GEMIN5: variants seen among roughly 807,000 people sequenced by gnomAD.
GEMIN5 encodes gem-associated protein 5.
GEMIN5 carries 124 observed loss-of-function variants against 176.9 expected under a neutral mutation model. The ratio of observed to expected loss-of-function variants is 0.70; its 90% CI spans 0.61 to 0.81. The LOEUF (loss-of-function observed/expected upper bound fraction) is 0.81, where lower values mean the gene tolerates loss of function less well. Among genes scored for constraint, GEMIN5 ranks in the 40% least tolerant of loss-of-function variants. The probability of loss-of-function intolerance (pLI) is 0.00; values close to 1 mark genes in which losing one functional copy is unlikely to be tolerated. For missense variants in GEMIN5, 1,843 were observed against 1,814.6 expected, an observed-to-expected ratio of 1.02 and a Z score of -0.28; for synonymous variants, 673 against 665.2, an observed-to-expected ratio of 1.01 and a Z score of -0.18.
intron 9 of GEMIN5, among the ~76,000 whole-genome samples, chr5:154,922,925 T>C (rs1316878049): frequency 6.6e-6 from 1 of 152,056 alleles, no homozygotes; most frequent in Non-Finnish European, 1.5e-5. Context: ...CTCAATCTCC[T>C]GACCTCAGGA....
rs774995435 is a variant in GEMIN5, at chr5:154,925,825, A to C, written c.1293+37T>G. The C allele has an allele frequency of 3.3e-6, 4 of 1,217,678 alleles. 1 individual carries two copies. In the South Asian group the frequency reaches 5.1e-5, roughly 16 times the overall value. The allele number at this position is 1,217,678 out of a possible 1,614,324, so 75.4% of individuals were successfully genotyped here. A position where few individuals can be genotyped will look rare whatever the true frequency, so the allele number is the denominator to read the frequency against. ...CATAAAAGAGAATTATTTGGAAAAA[A>C]AAAAGTTCAAAACAAGCTCAAAAAA... On this transcript the variant is annotated intron_variant, in intron 8 of 27. Coordinates refer to ENST00000285873, the MANE Select transcript of GEMIN5 (RefSeq NM_015465.5).
intron 11 of GEMIN5, among the ~76,000 whole-genome samples, chr5:154,918,839 C>T (rs1245554552): frequency 6.6e-6 from 1 of 151,664 alleles, no homozygotes; most frequent in Non-Finnish European, 1.5e-5. Flanking sequence ...GCCAGGAGTC[C>T]GAGATCACAG....
chr5:154,897,829 C>T (rs1763381467), intron 23 of GEMIN5, among the ~76,000 whole-genome samples: 1 of 151,692 alleles, frequency 6.6e-6, no homozygotes, highest in Admixed American at 6.6e-5. Context: ...ATTCTCTCTT[C>T]AAGGAAGACA....
intron 9 of GEMIN5, among the ~76,000 whole-genome samples, chr5:154,922,677 T>TTAAATAAA (rs1307374967): frequency 1.3e-5 from 2 of 151,936 alleles, no homozygotes; most frequent in African/African-American, 4.8e-5. Context: ...ACAGTGTACT[T>TTAAATAAA]TAAATAAATC....
At chr5:154,907,359 A>C (rs1224655418) in intron 16 of GEMIN5, among the ~76,000 whole-genome samples, 1 of 152,124 alleles carries the variant, frequency 6.6e-6, no homozygotes, top group Non-Finnish European at 1.5e-5. Context: ...TTGAATAAGA[A>C]GTTTTCTCTG....
intron 3 of GEMIN5, among the ~76,000 whole-genome samples, chr5:154,933,998 T>C (rs947119025): frequency 3.3e-5 from 5 of 152,120 alleles, no homozygotes; most frequent in Non-Finnish European, 7.4e-5. Context: ...GCAGCACAGA[T>C]TTCATGATCC....
intron 24 of GEMIN5, among the ~76,000 whole-genome samples, chr5:154,895,336 G>GAAAA (rs370508883): frequency 1.3e-5 from 1 of 75,664 alleles, no homozygotes. Context: ...CTCCAGAAAG[G>GAAAA]AAAAAAAAAA....
In GEMIN5 at chr5:154,898,649, A is replaced by AGG. The variant is rs1354270208; in HGVS notation, c.3135_3136insCC (p.Tyr1046ProfsTer3). The stretch of plus-strand genomic sequence containing the variant: ...TCATAAGCACAAGTGGCCCCTAAAT[A>AGG]GCTATAATATGAATAAAAATGTGAA... On this transcript the variant is annotated frameshift_variant and splice_region_variant, in exon 23 of 28. Transcript: ENST00000285873. LOFTEE classifies it high-confidence loss of function. The AGG allele has an allele frequency of 6.2e-7, 1 of 1,603,076 alleles. No individual in the cohort carries two copies. Among genetic ancestry groups the AGG allele is most frequent in the Non-Finnish European group, 8.5e-7 (1 of 1,170,016 alleles).
chr5:154,936,844 T>C (rs1397211492), intron 2 of GEMIN5, among the ~76,000 whole-genome samples, 181 bp downstream of exon 2: 1 of 152,262 alleles, frequency 6.6e-6, no homozygotes, highest in Non-Finnish European at 1.5e-5. Flanking sequence ...TGCCAACCTC[T>C]GGTTTGTATA....
intron 25 of GEMIN5, 129 bp from the exon 26 acceptor site, chr5:154,891,871 C>T: frequency 1.2e-6 from 1 of 866,506 alleles, no homozygotes; most frequent in Non-Finnish European, 1.8e-6. Context: ...ACAGTGTGAT[C>T]CACCGGGCCA....
chr5:154,912,793 T>C (rs1193386967), intron 14 of GEMIN5, 106 bp downstream of exon 14: 3 of 934,572 alleles, frequency 3.2e-6, no homozygotes, highest in East Asian at 2.6e-5. Context: ...CTTCAGTAGA[T>C]GATGATAATG....
At position 154,924,444 on chromosome 5, in the gene GEMIN5, GGAA is replaced by G. The variant is rs1248913022; in HGVS notation, c.1379+22_1379+24del. 2.0e-6 allele frequency: 3 copies of G among 1,480,042 alleles called. No homozygotes were observed. In the South Asian group the frequency reaches 3.4e-5, roughly 17 times the overall value. The allele number at this position is 1,480,042 out of a possible 1,614,324, so 91.7% of individuals were successfully genotyped here. A position where few individuals can be genotyped will look rare whatever the true frequency, so the allele number is the denominator to read the frequency against. ...ACCTTTTGGCTCCCCGGGCCACAAT[GGAA>G]GAAGAATCACCCATTTCTTACTTGT... On this transcript the variant is annotated intron_variant, in intron 9 of 27. Transcript: ENST00000285873.
rs138793902 is a variant in GEMIN5, at chr5:154,902,650, G to C, written c.2755C>G (p.Pro919Ala). 2.5e-6 allele frequency: 4 copies of C among 1,613,846 alleles called. No homozygotes were observed. The highest frequency in any genetic ancestry group is 3.4e-6 in the Non-Finnish European group (4 of 1,179,878). Residue 919 changes from proline (P) to alanine (A), a missense_variant, in exon 20 of 28, where the codon CCT (proline) becomes GCT (alanine). Pro to Ala is a conservative substitution (Grantham distance 27, BLOSUM62 -1). Transcript: ENST00000285873. ...EGKGHLENGH[P>A]ELFHQLMLWK... ...AGCATAAGCTGGTGAAATAACTCAG[G>C]GTGGCCATTTTCTAAGTGACCTTTT...
intron 18 of GEMIN5, among the ~76,000 whole-genome samples, chr5:154,903,642 G>GT (rs555906630): frequency 6.6e-6 from 1 of 152,070 alleles, no homozygotes; most frequent in South Asian, 2.1e-4. Context: ...ACTGATAATA[G>GT]TTTGATTATG....
chr5:154,914,271 T>C (rs1167603740), intron 13 of GEMIN5, among the ~76,000 whole-genome samples: 1 of 152,198 alleles, frequency 6.6e-6, no homozygotes, highest in South Asian at 2.1e-4. Flanking sequence ...TCCGCCCACC[T>C]TGGCCTCCCA....
chr5:154,909,255 A>G (rs1187463460), intron 15 of GEMIN5, among the ~76,000 whole-genome samples: 2 of 146,752 alleles, frequency 1.4e-5, no homozygotes, highest in Non-Finnish European at 3.0e-5. Context: ...GGCGTGAGCT[A>G]CTGTGCCTGG....
At chr5:154,888,943 C>T (rs964544684) in intron 27 of GEMIN5, among the ~76,000 whole-genome samples, 45 of 151,878 alleles carry the variant, frequency 3.0e-4, no homozygotes, top group Non-Finnish European at 1.3e-4. Context: ...CTGCAAGCTC[C>T]GCCTCCTGAG....
chr5:154,898,412 A>G (rs1286373079), intron 23 of GEMIN5, 28 bp downstream of exon 23: 1 of 1,559,276 alleles, frequency 6.4e-7, no homozygotes, highest in African/African-American at 1.3e-5. Flanking sequence ...TCCCTCTTGT[A>G]TACTAGGAGA....
chr5:154,892,292 TC>T, intron 25 of GEMIN5, 94 bp downstream of exon 25: 1 of 1,000,572 alleles, frequency 1.0e-6, no homozygotes. Context: ...CCAATCTCCA[TC>T]TTTTAAGAAT....
Sources: allele counts gnomAD v4.1 joint callset (sites outside exome capture counted in the v4.1 genomes callset), GRCh38; gene constraint gnomAD v4.1.1; transcripts MANE v1.5; gene names NCBI Gene and HGNC (gene_info 2026-07-23, HGNC 2026-07-21).